AACS: variants seen among roughly 807,000 people sequenced by gnomAD.
AACS encodes the protein acetoacetate-CoA ligase.
In AACS, 69 loss-of-function variants were observed where a neutral mutation model predicts 83.1. The observed-to-expected ratio is 0.83, with a 90% CI of 0.68 to 1.01. The LOEUF (loss-of-function observed/expected upper bound fraction) is 1.01, where lower values mean the gene tolerates loss of function less well. Ranked by LOEUF, AACS falls within the 50% of genes least tolerant of loss-of-function variation. The pLI is 0.00. For missense variants in AACS, 866 were observed against 882.2 expected, an observed-to-expected ratio of 0.98 and a Z score of 0.23; for synonymous variants, 333 against 343.4, an observed-to-expected ratio of 0.97 and a Z score of 0.33.
At chr12:125,107,029 A>T in intron 7 of AACS, 92 bp from the exon 8 acceptor site, 3 of 1,560,100 alleles carry the variant, frequency 1.9e-6, no homozygotes, top group Non-Finnish European at 2.6e-6. Context: ...TTCTGGGGGT[A>T]GAAACAGAGG....
At chr12:125,091,581 G>C in intron 5 of AACS, 58 bp downstream of exon 5, 2 of 1,544,398 alleles carry the variant, frequency 1.3e-6, no homozygotes, top group Non-Finnish European at 1.8e-6. Flanking sequence ...TCCTGGGCAG[G>C]GGCTGCATGG....
intron 10 of AACS, chr12:125,119,971 C>G (rs532746876): frequency 6.6e-6 from 1 of 152,242 alleles, no homozygotes. Flanking sequence ...TCTTCCTCAC[C>G]TCATCATAAC....
At chr12:125,066,598 C>T (rs1302714544) in intron 1 of AACS, among the ~76,000 whole-genome samples, 3 of 151,902 alleles carry the variant, frequency 2.0e-5, no homozygotes, top group African/African-American at 4.8e-5. Flanking sequence ...TACAGGCATA[C>T]ACCACCACGC....
chr12:125,103,132 C>T (rs1479851150), intron 7 of AACS, 51 bp downstream of exon 7: 8 of 1,523,530 alleles, frequency 5.3e-6, no homozygotes, highest in Non-Finnish European at 7.2e-6. Context: ...ACTGGAGCTC[C>T]TGCGGGGAAG....
intron 16 of AACS, among the ~76,000 whole-genome samples, chr12:125,135,522 T>A (rs1957389264): frequency 6.6e-6 from 1 of 152,102 alleles, no homozygotes; most frequent in Non-Finnish European, 1.5e-5. Context: ...CTCACAACTG[T>A]ACAGTGGAGT....
rs1223374031 is a variant in AACS at position 125,135,432 on chromosome 12, G to A, written c.1678+580G>A. Among the ~76,000 whole-genome samples, 2 of 152,172 alleles carry A rather than the reference G, an allele frequency of 1.3e-5. 1 individual carries two copies. The highest frequency in any genetic ancestry group is 3.9e-4 in the East Asian group (2 of 5,190). On this transcript the variant is annotated intron_variant, in intron 16 of 17. Transcript: ENST00000316519. ...CTCTTTATGGTTGAAGAAACCAGAAGCACAGAGAGGGTTCAGGATTGCTGA... is the reference window on the plus strand; with the variant it reads ...CTCTTTATGGTTGAAGAAACCAGAAACACAGAGAGGGTTCAGGATTGCTGA...
rs1458786635 is a variant in AACS, at chr12:125,094,392, A to G, written c.570+2869A>G. Among the ~76,000 whole-genome samples, 1 of 152,006 alleles carries G rather than the reference A, an allele frequency of 6.6e-6. No homozygotes were observed. The highest frequency in any genetic ancestry group is 6.6e-5 in the Admixed American group (1 of 15,266). On this transcript the variant is annotated intron_variant, in intron 5 of 17. Transcript: ENST00000316519. The surrounding 1 kb of genome is among the most constrained non-coding windows in gnomAD (Gnocchi z 4.1). ...GAGAATATCGTAAAGGGAAATTGCC[A>G]CTCTCCTACAAATCCTGTGTTGACT...
At chr12:125,105,345 G>C (rs1485272001) in intron 7 of AACS, 1 of 152,264 alleles carries the variant, frequency 6.6e-6, no homozygotes, top group African/African-American at 2.4e-5. Context: ...ACCTGAGTCA[G>C]GGTGGGCAGA....
At chr12:125,080,822 G>A (rs908075258) in intron 3 of AACS, among the ~76,000 whole-genome samples, 13 of 151,624 alleles carry the variant, frequency 8.6e-5, no homozygotes, top group Non-Finnish European at 1.6e-4. Flanking sequence ...CTCCCGAGTA[G>A]CTGGGACTAC....
At chr12:125,067,282 G>T (rs570823709) in intron 1 of AACS, among the ~76,000 whole-genome samples, 6 of 152,284 alleles carry the variant, frequency 3.9e-5, no homozygotes, top group African/African-American at 1.2e-4. Flanking sequence ...GTTGGTAAAT[G>T]AGTATGTGTT....
intron 2 of AACS, 32 bp from the exon 3 acceptor site, chr12:125,076,459 T>C (rs1409217612): frequency 1.4e-5 from 22 of 1,610,830 alleles, no homozygotes; most frequent in Non-Finnish European, 1.7e-5. Context: ...GTCTCATGTG[T>C]GTGCGTCTTG....
intron 3 of AACS, among the ~76,000 whole-genome samples, chr12:125,083,908 C>T (rs1193125246): frequency 6.6e-6 from 1 of 152,054 alleles, no homozygotes; most frequent in Non-Finnish European, 1.5e-5. Flanking sequence ...CCTGCCTCAG[C>T]CTCCCAAAGT....
chr12:125,127,405 ATCACAC>A (rs1275462604), intron 12 of AACS: 2 of 152,200 alleles, frequency 1.3e-5, no homozygotes, highest in Admixed American at 6.5e-5. Context: ...AAGAAATAAA[ATCACAC>A]TCCACAATCT....
chr12:125,078,846 G>GCCT (rs1471306354), intron 3 of AACS, among the ~76,000 whole-genome samples: 51 of 97,120 alleles, frequency 5.3e-4, no homozygotes, highest in East Asian at 9.3e-4. Context: ...AAAAAAAAAA[G>GCCT]CCTCCTCTGC....
chr12:125,134,112 A>G (rs759799229), intron 15 of AACS, 40 bp downstream of exon 15: 3 of 1,603,078 alleles, frequency 1.9e-6, no homozygotes, highest in Non-Finnish European at 2.6e-6. Flanking sequence ...CTGGAGCCCC[A>G]CCTTCCAGAG....
chr12:125,130,377 G>A lies in AACS; in HGVS notation c.1549+917G>A, dbSNP rs761247179. On this transcript the variant is annotated intron_variant, in intron 14 of 17. Transcript: ENST00000316519. This position sits in a 1 kb window ranked among gnomAD's most constrained non-coding sequence, Gnocchi z 4.9. ...CCTATGCCCCACCTTGGCTCCTGCC[G>A]TGAGCAGCTGTGCAGACAGACGAAT... Among the ~76,000 whole-genome samples the A allele has an allele frequency of 4.6e-5, 7 of 152,370 alleles. No individual in the cohort carries two copies. The highest frequency in any genetic ancestry group is 8.8e-5 in the Non-Finnish European group (6 of 68,036).
intron 1 of AACS, among the ~76,000 whole-genome samples, chr12:125,069,893 T>C (rs1395946289): frequency 6.6e-6 from 1 of 152,178 alleles, no homozygotes; most frequent in Non-Finnish European, 1.5e-5. Context: ...GAATGGGGCA[T>C]TGGTGTTGAC....
intron 2 of AACS, among the ~76,000 whole-genome samples, chr12:125,074,462 G>A (rs1955963122): frequency 1.3e-5 from 2 of 151,890 alleles, no homozygotes; most frequent in Non-Finnish European, 2.9e-5. Flanking sequence ...TGGGAGGATT[G>A]GTTGAGCCCA....
Position 125,127,987 on chromosome 12 carries a change from A to G in AACS, c.1310-174A>G, listed in dbSNP as rs1957272470. On this transcript the variant is annotated intron_variant, in intron 12 of 17. Transcript: ENST00000316519. Reference sequence around the variant, plus strand: ...GTGGGGGGTTCATTCTAATTTCCATATCACCTCTCCCACTGCTCCCTGAAG... The same window carrying G: ...GTGGGGGGTTCATTCTAATTTCCATGTCACCTCTCCCACTGCTCCCTGAAG... 5 of 451,250 alleles carry G rather than the reference A, an allele frequency of 1.1e-5. No homozygotes were observed. The East Asian group carries it at 1.7e-4, about 16-fold the overall frequency. The allele number at this position is 451,250 out of a possible 1,614,324, so 28.0% of individuals were successfully genotyped here.
Sources: gnomAD v4.1 joint callset for allele counts (sites outside exome capture counted in the v4.1 genomes callset) on GRCh38, gnomAD v4.1.1 for gene constraint, Gnocchi (gnomAD v3.1) non-coding constraint, MANE v1.5 for transcripts, NCBI Gene and HGNC (gene_info 2026-07-23, HGNC 2026-07-21) for gene names.